The following CHST11 variants were observed in gnomAD, a reference collection of about 807,000 sequenced individuals.
The protein encoded by CHST11 is C4S-1.
A neutral mutation model predicts 30.4 loss-of-function variants in CHST11; 9 were observed. That is an observed-to-expected ratio of 0.30 (90% confidence interval 0.18 to 0.52). CHST11 has a LOEUF of 0.52. Ranked by LOEUF, CHST11 falls within the 20% of genes least tolerant of loss-of-function variation. CHST11 has a pLI of 0.97. For missense variants in CHST11, 348 were observed against 460.6 expected (o/e 0.76, Z 2.24); for synonymous variants, 152 against 187.8 (o/e 0.81, Z 1.56).
intron 2 of CHST11, among the ~76,000 whole-genome samples, chr12:104,607,465 G>A (rs1401384636): frequency 1.3e-5 from 2 of 152,162 alleles, no homozygotes. Flanking sequence ...CTGATAAGCG[G>A]TATATAATAG....
At chr12:104,736,228 A>G (rs1266646796) in intron 2 of CHST11, among the ~76,000 whole-genome samples, 1 of 152,088 alleles carries the variant, frequency 6.6e-6, no homozygotes, top group African/African-American at 2.4e-5. Context: ...CCCTGTGCCT[A>G]CAGAATCTGG....
In CHST11 at chr12:104,605,472, C is replaced by T. The variant is rs535808342; in HGVS notation, c.204+3481C>T. Among the ~76,000 whole-genome samples, 158 of 152,174 alleles carry T rather than the reference C, an allele frequency of 1.0e-3. 1 individual carries two copies. The highest frequency in any genetic ancestry group is 9.3e-3 in the South Asian group (45 of 4,824). ...CGGGCGCCTACAGTCCCAGCTTCTC[C>T]GGAGGCTGAGGCAGGAGAATGGCGT... On this transcript the variant is annotated intron_variant, in intron 2 of 2. Coordinates refer to ENST00000303694, the MANE Select transcript of CHST11 (RefSeq NM_018413.6).
chr12:104,572,586 C>G (rs2038639467), intron 1 of CHST11, among the ~76,000 whole-genome samples: 1 of 151,990 alleles, frequency 6.6e-6, no homozygotes, highest in African/African-American at 2.4e-5. Context: ...TTTATTGCAT[C>G]TATTTGATTC....
chr12:104,481,780 T>TTTACTTCCTTCCTTCCTTCC lies in CHST11; in HGVS notation c.118+24253_118+24254insACTTCCTTCCTTCCTTCCTT, dbSNP rs59114695. Among the ~76,000 whole-genome samples the TTTACTTCCTTCCTTCCTTCC allele has an allele frequency of 1.5e-4, 22 of 150,810 alleles. No individual in the cohort carries two copies. In the South Asian group the frequency reaches 2.9e-3, roughly 20 times the overall value. Reference sequence around the variant, plus strand: ...GTAAATAGGACTGTTTCCTTCCTTCTTTCCTTCCTTCCTTCCTTCCTTCCT... The same window carrying TTTACTTCCTTCCTTCCTTCC: ...GTAAATAGGACTGTTTCCTTCCTTCTTTACTTCCTTCCTTCCTTCCTTCCTTCCTTCCTTCCTTCCTTCCT... On this transcript the variant is annotated intron_variant, in intron 1 of 2. Coordinates refer to ENST00000303694, the MANE Select transcript of CHST11 (RefSeq NM_018413.6).
At chr12:104,617,277 A>G (rs1592796365) in intron 2 of CHST11, among the ~76,000 whole-genome samples, 2 of 152,154 alleles carry the variant, frequency 1.3e-5, no homozygotes, top group East Asian at 3.9e-4. Context: ...CCACAGTCAG[A>G]GTTATTAATA....
intron 2 of CHST11, among the ~76,000 whole-genome samples, chr12:104,655,420 C>A (rs11112145): frequency 2.6e-5 from 4 of 152,214 alleles, no homozygotes; most frequent in Non-Finnish European, 4.4e-5. Context: ...TGCTCTCACT[C>A]CCCCCAGCAT....
intron 1 of CHST11, among the ~76,000 whole-genome samples, chr12:104,592,352 C>T (rs1409838408): frequency 6.6e-6 from 1 of 152,080 alleles, no homozygotes; most frequent in Non-Finnish European, 1.5e-5. Flanking sequence ...CTGGGAAGTC[C>T]AAGACCAAAG....
intron 1 of CHST11, among the ~76,000 whole-genome samples, chr12:104,598,838 G>T (rs1277039348): frequency 6.6e-6 from 1 of 152,142 alleles, no homozygotes; most frequent in African/African-American, 2.4e-5. Context: ...CTGGTGGGTG[G>T]GGTGGGCCTT....
At chr12:104,555,118 T>C (rs1317529611) in intron 1 of CHST11, among the ~76,000 whole-genome samples, 1 of 152,230 alleles carries the variant, frequency 6.6e-6, no homozygotes, top group East Asian at 1.9e-4. Context: ...AAATGTTTTG[T>C]CAATGCCAAG....
intron 1 of CHST11, among the ~76,000 whole-genome samples, chr12:104,583,721 C>CTTTTTTTTT: frequency 9.9e-5 from 1 of 10,084 alleles, no homozygotes; most frequent in Admixed American, 2.0e-3. Context: ...AGATCTCTCT[C>CTTTTTTTTT]TTTTTTTTGA....
At chr12:104,749,633 G>T (rs1019920096) in intron 2 of CHST11, among the ~76,000 whole-genome samples, 1 of 152,200 alleles carries the variant, frequency 6.6e-6, no homozygotes, top group Non-Finnish European at 1.5e-5. Context: ...CTTCATTAAT[G>T]AGTGAGTCTT....
At chr12:104,506,234 G>A (rs1033487665) in intron 1 of CHST11, among the ~76,000 whole-genome samples, 24 of 152,220 alleles carry the variant, frequency 1.6e-4, no homozygotes, top group African/African-American at 5.8e-4. Flanking sequence ...AAATACTCAA[G>A]TCACCTATTG....
chr12:104,557,472 T>G (rs1362479421), intron 1 of CHST11, among the ~76,000 whole-genome samples: 1 of 150,642 alleles, frequency 6.6e-6, no homozygotes, highest in African/African-American at 2.4e-5. Flanking sequence ...GGGAGGGGGA[T>G]GCACCGGGCG....
chr12:104,478,166 A>G (rs1805668093), intron 1 of CHST11, among the ~76,000 whole-genome samples: 1 of 152,186 alleles, frequency 6.6e-6, no homozygotes, highest in Non-Finnish European at 1.5e-5. Flanking sequence ...AAAGTGAAAG[A>G]CATTGCTGAT....
intron 2 of CHST11, among the ~76,000 whole-genome samples, chr12:104,674,718 T>A (rs2039724698): frequency 1.3e-5 from 2 of 152,236 alleles, no homozygotes; most frequent in South Asian, 4.1e-4. Context: ...TTAGACTTTT[T>A]TTTTTCAGCC....
At chr12:104,719,705 T>C (rs2040158470) in intron 2 of CHST11, among the ~76,000 whole-genome samples, 1 of 152,208 alleles carries the variant, frequency 6.6e-6, no homozygotes, top group Admixed American at 6.5e-5. Context: ...ATTTTCAGTG[T>C]TCTTCAGAAT....
chr12:104,484,016 C>G (rs143219551), intron 1 of CHST11, among the ~76,000 whole-genome samples: 1 of 152,326 alleles, frequency 6.6e-6, no homozygotes, highest in African/African-American at 2.4e-5. Context: ...CTGCGAAGGT[C>G]TGCTGTTTCT....
At chr12:104,562,419 A>T (rs2038522900) in intron 1 of CHST11, among the ~76,000 whole-genome samples, 1 of 151,978 alleles carries the variant, frequency 6.6e-6, no homozygotes, top group South Asian at 2.1e-4. Flanking sequence ...CACCTGAGTT[A>T]CTCTGGTAGG....
intron 1 of CHST11, among the ~76,000 whole-genome samples, chr12:104,572,373 G>T (rs192859): frequency 0.67 from 99,167 of 148,916 alleles, 33,076 homozygotes; most frequent in Middle Eastern, 0.76. Context: ...AAGCTATTAA[G>T]TATTGCCTCA....
Sources: allele counts gnomAD v4.1 joint callset (sites outside exome capture counted in the v4.1 genomes callset), GRCh38; gene constraint gnomAD v4.1.1; transcripts MANE v1.5; gene names NCBI Gene and HGNC (gene_info 2026-07-23, HGNC 2026-07-21).